Variants in ZNF503 observed in about 807,000 individuals in gnomAD.
The protein encoded by ZNF503 is NocA-like zinc finger 2.
A neutral mutation model predicts 34.4 loss-of-function variants in ZNF503; 15 were observed. That is an observed-to-expected ratio of 0.44 (90% CI 0.29 to 0.67). The LOEUF is 0.67. Among genes scored for constraint, ZNF503 ranks in the 30% least tolerant of loss-of-function variants. The pLI is 0.13. For missense variants in ZNF503, 1,007 were observed against 926.8 expected, an observed-to-expected ratio of 1.09 and a Z score of -1.12; for synonymous variants, 580 against 456.8, an observed-to-expected ratio of 1.27 and a Z score of -3.44.
chr10:75,357,887 A>G, the ZNF503 span, among the ~76,000 whole-genome samples: 1 of 152,192 alleles, frequency 6.6e-6, no homozygotes, highest in Non-Finnish European at 1.5e-5. Flanking sequence ...TCTTGGTTAG[A>G]CACCAAAGAC....
At chr10:75,373,119 G>A in the ZNF503 span, among the ~76,000 whole-genome samples, 2 of 152,226 alleles carry the variant, frequency 1.3e-5, no homozygotes, top group Admixed American at 6.5e-5. Flanking sequence ...GCACGTATTC[G>A]CCATCTTCCG....
At chr10:75,328,348 C>T in the ZNF503 span, among the ~76,000 whole-genome samples, 1 of 152,290 alleles carries the variant, frequency 6.6e-6, no homozygotes, top group East Asian at 1.9e-4. Flanking sequence ...ATTGAAGAAA[C>T]TCTCCTTTCC....
At chr10:75,359,443 G>A in the ZNF503 span, among the ~76,000 whole-genome samples, 3 of 152,218 alleles carry the variant, frequency 2.0e-5, no homozygotes, top group African/African-American at 7.2e-5. Context: ...CTACAGAGGA[G>A]GCCCACAAAT....
chr10:75,301,768 A>G, the ZNF503 span, among the ~76,000 whole-genome samples: 174 of 152,152 alleles, frequency 1.1e-3, 2 homozygotes, highest in Middle Eastern at 3.4e-3. Context: ...GCTCCAATAC[A>G]TCTCCTTTTC....
At chr10:75,333,607 C>T in the ZNF503 span, among the ~76,000 whole-genome samples, 2 of 81,860 alleles carry the variant, frequency 2.4e-5, no homozygotes, top group African/African-American at 5.9e-5. Flanking sequence ...ACCTTCCTCC[C>T]GGACGGCACG....
the ZNF503 span, among the ~76,000 whole-genome samples, chr10:75,388,982 CATTA>C: frequency 2.0e-5 from 3 of 152,196 alleles, no homozygotes; most frequent in African/African-American, 7.2e-5. Flanking sequence ...CCACAGCTTT[CATTA>C]ATTGTCAAAA....
the ZNF503 span, chr10:75,361,738 G>T: frequency 6.6e-6 from 1 of 152,132 alleles, no homozygotes; most frequent in African/African-American, 2.4e-5. Flanking sequence ...TTGAAGGTAG[G>T]GACAGGTCTT....
At chr10:75,396,106 C>T (rs542583399), downstream of ZNF503, among the ~76,000 whole-genome samples, 1 of 152,108 alleles carries the variant, frequency 6.6e-6, no homozygotes, top group Non-Finnish European at 1.5e-5. The surrounding 1 kb of genome is among the most constrained non-coding windows in gnomAD (Gnocchi z 4.4). Context: ...CGTGGGACCC[C>T]GGCTGCAGCA....
the ZNF503 span, among the ~76,000 whole-genome samples, chr10:75,329,606 C>T: frequency 2.0e-5 from 3 of 152,002 alleles, no homozygotes; most frequent in Non-Finnish European, 4.4e-5. Flanking sequence ...GCTGGGACTA[C>T]AGGCATGCAC....
chr10:75,325,381 A>G, the ZNF503 span, among the ~76,000 whole-genome samples: 100 of 149,952 alleles, frequency 6.7e-4, no homozygotes, highest in Admixed American at 1.7e-3. Flanking sequence ...GCCAGAGTGT[A>G]GTAGCACAAT....
At chr10:75,384,365 C>G in the ZNF503 span, among the ~76,000 whole-genome samples, 7 of 152,110 alleles carry the variant, frequency 4.6e-5, no homozygotes, top group Non-Finnish European at 1.0e-4. Context: ...CAAACACACA[C>G]ACACTCGTAC....
At chr10:75,340,368 A>T in the ZNF503 span, among the ~76,000 whole-genome samples, 1 of 152,242 alleles carries the variant, frequency 6.6e-6, no homozygotes, top group Non-Finnish European at 1.5e-5. Context: ...TCAAAGTCTT[A>T]AAAATGTTCA....
At chr10:75,308,079 C>A in the ZNF503 span, among the ~76,000 whole-genome samples, 1 of 151,914 alleles carries the variant, frequency 6.6e-6, no homozygotes, top group Non-Finnish European at 1.5e-5. Flanking sequence ...AGACCCTTGT[C>A]TTTAAACAAA....
chr10:75,394,512 T>C (rs1231459085), downstream of ZNF503, among the ~76,000 whole-genome samples: 1 of 152,258 alleles, frequency 6.6e-6, no homozygotes, highest in African/African-American at 2.4e-5. Flanking sequence ...ACGAGTCTTC[T>C]GTGTAAGTAC....
At chr10:75,342,389 G>A in the ZNF503 span, among the ~76,000 whole-genome samples, 24 of 152,060 alleles carry the variant, frequency 1.6e-4, no homozygotes, top group South Asian at 2.1e-4. Context: ...CTACCACCCC[G>A]TATGGGAGCG....
chr10:75,311,875 C>CT, the ZNF503 span, among the ~76,000 whole-genome samples: 1 of 151,850 alleles, frequency 6.6e-6, no homozygotes, highest in Non-Finnish European at 1.5e-5. Flanking sequence ...GTAGCTGGGA[C>CT]TACAGGCGTG....
the ZNF503 span, among the ~76,000 whole-genome samples, chr10:75,286,839 A>C: frequency 6.6e-6 from 1 of 152,230 alleles, no homozygotes; most frequent in Admixed American, 6.5e-5. Flanking sequence ...AGAAGCTGGC[A>C]TCCTCAGCTG....
chr10:75,332,767 T>C, the ZNF503 span, among the ~76,000 whole-genome samples: 1 of 146,898 alleles, frequency 6.8e-6, no homozygotes, highest in East Asian at 2.0e-4. Context: ...ACACAGCACA[T>C]GTTTCAGAGA....
chr10:75,394,395 C>A (rs947865046), downstream of ZNF503, among the ~76,000 whole-genome samples: 1 of 152,186 alleles, frequency 6.6e-6, no homozygotes, highest in African/African-American at 2.4e-5. Context: ...ACTCTAAGCA[C>A]CACCAGGCTG....
Sources: gnomAD v4.1 joint callset for allele counts (sites outside exome capture counted in the v4.1 genomes callset) on GRCh38, gnomAD v4.1.1 for gene constraint, Gnocchi (gnomAD v3.1) non-coding constraint, MANE v1.5 for transcripts, NCBI Gene and HGNC (gene_info 2026-07-23, HGNC 2026-07-21) for gene names.